Variants in MYO19 observed in about 807,000 individuals in gnomAD.
MYO19 encodes the protein myosin XIX.
In MYO19, 132 loss-of-function variants were observed where a neutral mutation model predicts 129.2. That is an observed-to-expected ratio of 1.02 (90% CI 0.89 to 1.18). The LOEUF is 1.18. MYO19 is among the 50% of genes most tolerant of loss of function. The pLI is 0.00. For synonymous variants in MYO19, 531 were observed against 477.2 expected (o/e 1.11, Z -1.47); for missense variants, 1,210 against 1,216.7 (o/e 0.99, Z 0.08).
Position 36,528,209 on chromosome 17 carries a change from G to C in MYO19, c.13-7C>G. The C allele has an allele frequency of 6.4e-7, 1 of 1,564,070 alleles. No individual in the cohort carries two copies. The highest frequency in any genetic ancestry group is 8.7e-7 in the Non-Finnish European group (1 of 1,153,722). On this transcript the variant is annotated splice_region_variant and splice_polypyrimidine_tract_variant and intron_variant, in intron 3 of 25. Coordinates refer to ENST00000614623, the MANE Select transcript of MYO19 (RefSeq NM_001163735.2). ...CCGGATTGTGGCCATTGACCTGGAAGAGATAACGTGAAGGTGAGGCCAGGC... is the reference window on the plus strand; with the variant it reads ...CCGGATTGTGGCCATTGACCTGGAACAGATAACGTGAAGGTGAGGCCAGGC...
intron 23 of MYO19, chr17:36,499,862 G>GT (rs34050029): frequency 0.32 from 41,497 of 129,766 alleles, 7,614 homozygotes; most frequent in Non-Finnish European, 0.43. Flanking sequence ...ATGTTTTGTT[G>GT]TTTTTTTTTT....
chr17:36,511,495 G>T, intron 11 of MYO19, 40 bp from the exon 12 acceptor site: 1 of 1,530,668 alleles, frequency 6.5e-7, no homozygotes. Context: ...AGGAGAGGGC[G>T]TGACGTGGGC....
intron 25 of MYO19, chr17:36,497,485 C>CTA (rs1320188524): frequency 1.3e-5 from 12 of 959,502 alleles, no homozygotes; most frequent in African/African-American, 1.8e-5. Flanking sequence ...TGATGTGGGA[C>CTA]TAATTAGATT....
chr17:36,523,015 A>C (rs1599380747), intron 6 of MYO19, among the ~76,000 whole-genome samples: 2 of 147,034 alleles, frequency 1.4e-5, no homozygotes, highest in Admixed American at 1.3e-4. Flanking sequence ...CAAAAAAAAA[A>C]ACAAAAAACA....
At position 36,527,712 on chromosome 17, in the gene MYO19, T is replaced by C. The variant is rs753641089; in HGVS notation, c.152-13A>G. 5 of 1,603,982 alleles carry C rather than the reference T, an allele frequency of 3.1e-6. No homozygotes were observed. The Admixed American group carries it at 6.9e-5, about 22-fold the overall frequency. On this transcript the variant is annotated splice_polypyrimidine_tract_variant and intron_variant, in intron 4 of 25. Coordinates refer to ENST00000614623, the MANE Select transcript of MYO19 (RefSeq NM_001163735.2). ...AGGCACCTCAGGACTGAGGCAGAGA[T>C]GCCTTTAGCAAACTCGGGCTCAAAT... is the stretch of plus-strand genomic sequence containing the variant.
chr17:36,524,796 A>G (rs1057332739), intron 6 of MYO19, among the ~76,000 whole-genome samples: 2 of 152,214 alleles, frequency 1.3e-5, no homozygotes, highest in Non-Finnish European at 2.9e-5. Flanking sequence ...CAGAAGTCCT[A>G]TGAGTCAGGT....
chr17:36,503,276 G>A (rs2071658182), intron 20 of MYO19, 76 bp from the exon 21 acceptor site: 2 of 1,188,406 alleles, frequency 1.7e-6, no homozygotes, highest in Middle Eastern at 2.1e-4. Flanking sequence ...CTCATCAGAA[G>A]TTATTCTATT....
chr17:36,531,942 T>C (rs936309530), intron 3 of MYO19, among the ~76,000 whole-genome samples: 4 of 152,154 alleles, frequency 2.6e-5, no homozygotes, highest in South Asian at 4.1e-4. Context: ...TGAAGGATGA[T>C]ATGGGTATGA....
chr17:36,499,084 C>G lies in MYO19; in HGVS notation c.2454G>C (p.Gln818His). ...AAATVIKRAW[Q>H]KWRIRMACLA... is the part of the protein sequence containing the mutation. ...CTTGGGTCTTACTTACTCTCCACTT[C>G]TGCCATGCACGCTTGATGACTGTGG... The change falls in exon 24 of 26, where the codon CAG becomes CAC. Residue 818 changes from glutamine to histidine, a missense_variant. Coordinates refer to ENST00000614623, the MANE Select transcript of MYO19 (RefSeq NM_001163735.2). The G allele has an allele frequency of 6.2e-7, 1 of 1,608,390 alleles. No individual in the cohort carries two copies. Among genetic ancestry groups the G allele is most frequent in the Non-Finnish European group, 8.5e-7 (1 of 1,177,042 alleles).
At chr17:36,518,081 A>T (rs887225950) in intron 6 of MYO19, among the ~76,000 whole-genome samples, 1 of 147,522 alleles carries the variant, frequency 6.8e-6, no homozygotes, top group Non-Finnish European at 1.5e-5. Flanking sequence ...CAATAGCGAA[A>T]CTATCTCAAA....
intron 6 of MYO19, among the ~76,000 whole-genome samples, chr17:36,516,405 T>A (rs991276493): frequency 1.3e-4 from 20 of 152,196 alleles, no homozygotes; most frequent in African/African-American, 4.3e-4. Context: ...GAGTCTCATC[T>A]TGCCTCCCAG....
At position 36,507,068 on chromosome 17, in the gene MYO19, G is replaced by A. The variant is rs760634407; in HGVS notation, c.1539C>T (p.Ser513=). Residue 513 remains serine, a synonymous_variant, in exon 17 of 26, where the codon AGC becomes AGT. Transcript: ENST00000614623. ...TGAGCTTATTGTGGCCCAGGCAGGG[G>A]CTGCCTGCCAGGGCAGTCTCAATGC... The part of the protein sequence containing the change: ...QTRIETALAG[S]PCLGHNKLSR... 3.1e-6 allele frequency: 5 copies of A among 1,613,498 alleles called. No homozygotes were observed. The highest frequency in any genetic ancestry group is 1.1e-5 in the South Asian group (1 of 91,086).
At chr17:36,506,166 A>C (rs116306035) in intron 18 of MYO19, among the ~76,000 whole-genome samples, 10,715 of 152,144 alleles carry the variant, frequency 0.07, 641 homozygotes, top group African/African-American at 0.16. Context: ...CAGGTCAAAG[A>C]AGCTCATGTA....
chr17:36,506,835 G>A, intron 17 of MYO19, 128 bp downstream of exon 17: 1 of 1,250,338 alleles, frequency 8.0e-7, no homozygotes, highest in South Asian at 1.6e-5. Context: ...GGCCCAAGAT[G>A]GTGATTCTGG....
At chr17:36,501,959 G>A (rs1171241037) in intron 21 of MYO19, 1 of 152,528 alleles carries the variant, frequency 6.6e-6, no homozygotes, top group Non-Finnish European at 1.5e-5. Context: ...GGGGCCAGAA[G>A]GGCTATGGGC....
upstream of MYO19, chr17:36,538,648 C>T: frequency 6.8e-7 from 1 of 1,461,370 alleles, no homozygotes; most frequent in South Asian, 1.3e-5. Context: ...AGTATTTGGG[C>T]AATATTTAAT....
intron 3 of MYO19, among the ~76,000 whole-genome samples, chr17:36,529,873 C>G (rs1472936216): frequency 4.6e-5 from 7 of 152,150 alleles, no homozygotes; most frequent in African/African-American, 7.2e-5. Flanking sequence ...GTTATATACT[C>G]TTATGTTAAT....
upstream of MYO19, chr17:36,535,537 A>C (rs916998256): frequency 6.6e-6 from 1 of 152,234 alleles, no homozygotes; most frequent in Non-Finnish European, 1.5e-5. Flanking sequence ...GTGCAGCGGC[A>C]GTCCGGCTGC....
intron 18 of MYO19, among the ~76,000 whole-genome samples, chr17:36,505,952 A>C (rs1269972550): frequency 1.3e-5 from 2 of 152,170 alleles, no homozygotes; most frequent in East Asian, 1.9e-4. Context: ...TGATAAAGCT[A>C]AAGTCTGAAG....
Sources: allele counts gnomAD v4.1 joint callset (sites outside exome capture counted in the v4.1 genomes callset), GRCh38; gene constraint gnomAD v4.1.1; transcripts MANE v1.5; gene names NCBI Gene and HGNC (gene_info 2026-07-23, HGNC 2026-07-21).